C5: variants seen among roughly 807,000 people sequenced by gnomAD.
C5 encodes C3 and PZP-like alpha-2-macroglobulin domain-containing protein 4.
Under a neutral mutation model 218.8 loss-of-function variants are expected in C5, and 140 were observed. The observed-to-expected ratio is 0.64, with a 90% CI of 0.56 to 0.74. C5 has a LOEUF of 0.74. C5 is among the 30% of genes least tolerant of loss of function. C5 has a pLI of 0.00. For missense variants in C5, 1,700 were observed against 1,969.6 expected (o/e 0.86, Z 2.59); for synonymous variants, 614 against 682.3 (o/e 0.90, Z 1.56).
Position 120,969,030 on chromosome 9 carries a change from T to G in C5, c.4220+31A>C, listed in dbSNP as rs763687160. ...CGTTAACAAAAATGAGAACTTGGAG[T>G]CTATGCTCCCCTTTGTGGAAATAGG... On this transcript the variant is annotated intron_variant, in intron 33 of 40. Transcript: ENST00000223642. 12 of 1,582,240 alleles carry G rather than the reference T, an allele frequency of 7.6e-6. No individual in the cohort carries two copies. The East Asian group carries it at 2.7e-4, about 35-fold the overall frequency.
chr9:120,976,120 C>A (rs2046951523), intron 29 of C5, among the ~76,000 whole-genome samples: 1 of 152,158 alleles, frequency 6.6e-6, no homozygotes, highest in South Asian at 2.1e-4. Flanking sequence ...TATAAATATA[C>A]ACACTCCATC....
At position 120,997,777 on chromosome 9, in the gene C5, G is replaced by A. The variant is rs2131724077; in HGVS notation, c.2563-3C>T. 6.2e-7 allele frequency: 1 copy of A among 1,608,842 alleles called. No homozygotes were observed. The highest frequency in any genetic ancestry group is 8.5e-7 in the Non-Finnish European group (1 of 1,175,968). ...ACAGCAGACATTTTAACACAGAACT[G>A]AAATACAAGTGAAGAATTATATCAA... On this transcript the variant is annotated splice_polypyrimidine_tract_variant and splice_region_variant and intron_variant, in intron 20 of 40. Transcript: ENST00000223642.
chr9:121,067,191 C>T, the C5 span, among the ~76,000 whole-genome samples: 1 of 151,398 alleles, frequency 6.6e-6, no homozygotes, highest in Non-Finnish European at 1.5e-5. Context: ...TCGCTTGGTC[C>T]CAGAAGGTCA....
In C5 at chr9:120,974,936, C is replaced by A. The variant is rs752557479; in HGVS notation, c.3865-5G>T. ...CTCAATGGCATTGATTGTGTCCTGT[C>A]AGCAATCAGCAAGGCACAAAAATAT... On this transcript the variant is annotated splice_region_variant and splice_polypyrimidine_tract_variant and intron_variant, in intron 29 of 40. Coordinates refer to ENST00000223642, the MANE Select transcript of C5 (RefSeq NM_001735.3). 1.2e-6 allele frequency: 2 copies of A among 1,614,002 alleles called. No individual in the cohort carries two copies. Among genetic ancestry groups the A allele is most frequent in the African/African-American group, 2.7e-5 (2 of 74,922 alleles).
intron 28 of C5, among the ~76,000 whole-genome samples, chr9:120,978,893 A>G (rs1455170269): frequency 2.0e-5 from 3 of 152,120 alleles, no homozygotes; most frequent in African/African-American, 7.2e-5. Context: ...TGGTCCCCAC[A>G]GCACATTGCT....
intron 5 of C5, among the ~76,000 whole-genome samples, chr9:121,032,639 G>A (rs2047486170): frequency 6.6e-6 from 1 of 152,164 alleles, no homozygotes; most frequent in Non-Finnish European, 1.5e-5. Flanking sequence ...TGAATTTATG[G>A]TTGGAAACAA....
Position 120,982,833 on chromosome 9 carries a change from T to C in C5, c.3231-19A>G, listed in dbSNP as rs778222100. ...TGTTAACCTTTAAGACAAAATCAAATAAATAAATATTTAGAACGCTGAATC... is the reference window on the plus strand; with the variant it reads ...TGTTAACCTTTAAGACAAAATCAAACAAATAAATATTTAGAACGCTGAATC... On this transcript the variant is annotated intron_variant, in intron 25 of 40. Coordinates refer to ENST00000223642, the MANE Select transcript of C5 (RefSeq NM_001735.3). 14 of 1,418,490 alleles carry C rather than the reference T, an allele frequency of 9.9e-6. No homozygotes were observed. Among genetic ancestry groups the C allele is most frequent in the Non-Finnish European group, 1.4e-5 (14 of 1,011,896 alleles). 87.9% of individuals were successfully genotyped at this position (1,418,490 alleles called of 1,614,324 possible). A position where few individuals can be genotyped will look rare whatever the true frequency, so the allele number is the denominator to read the frequency against.
At chr9:121,057,190 T>C in the C5 span, among the ~76,000 whole-genome samples, 1 of 152,156 alleles carries the variant, frequency 6.6e-6, no homozygotes, top group Non-Finnish European at 1.5e-5. Flanking sequence ...ATTATCAACA[T>C]TAGACCTATC....
intron 1 of C5, among the ~76,000 whole-genome samples, chr9:121,047,288 G>GT (rs2047635889): frequency 6.6e-6 from 1 of 152,124 alleles, no homozygotes; most frequent in Non-Finnish European, 1.5e-5. Flanking sequence ...GTGTACAGTT[G>GT]AGGTCAAGTT....
At chr9:120,985,652 C>A (rs1440118005) in intron 25 of C5, among the ~76,000 whole-genome samples, 1 of 152,028 alleles carries the variant, frequency 6.6e-6, no homozygotes, top group African/African-American at 2.4e-5. Context: ...ACCTATACTA[C>A]TAGATCTAAA....
the C5 span, among the ~76,000 whole-genome samples, chr9:121,059,288 A>T: frequency 6.6e-6 from 1 of 152,186 alleles, no homozygotes; most frequent in Non-Finnish European, 1.5e-5. The surrounding 1 kb of genome is among the most constrained non-coding windows in gnomAD (Gnocchi z 4.1). Context: ...AGTGTTAATA[A>T]TGGAATTTAG....
At chr9:121,021,423 T>G in intron 11 of C5, 86 bp downstream of exon 11, 1 of 1,051,710 alleles carries the variant, frequency 9.5e-7, no homozygotes, top group Admixed American at 1.7e-5. Flanking sequence ...GTGTAAAATC[T>G]GCCGCATCTG....
upstream of C5, among the ~76,000 whole-genome samples, chr9:121,051,675 T>G (rs2047672265): frequency 6.6e-6 from 1 of 152,184 alleles, no homozygotes; most frequent in Admixed American, 6.5e-5. Context: ...TATAAACACT[T>G]TAATGCTGAA....
chr9:121,061,365 A>C, the C5 span, among the ~76,000 whole-genome samples: 1 of 152,192 alleles, frequency 6.6e-6, no homozygotes, highest in African/African-American at 2.4e-5. Flanking sequence ...CTTGGCCAAC[A>C]TGGCAAAAAC....
intron 1 of C5, among the ~76,000 whole-genome samples, chr9:121,049,958 TA>T (rs11289590): frequency 0.75 from 114,014 of 152,052 alleles, 43,130 homozygotes; most frequent in East Asian, 0.96. Context: ...AATAATCACT[TA>T]ACGTAAATTT....
At chr9:120,960,502 AT>A (rs41313601) in intron 37 of C5, among the ~76,000 whole-genome samples, 165 bp from the exon 38 acceptor site, 508 of 152,368 alleles carry the variant, frequency 3.3e-3, no homozygotes, top group African/African-American at 0.011. Flanking sequence ...AAAGTGAAAT[AT>A]TACATAAAGA....
chr9:121,013,883 C>T lies in C5; in HGVS notation c.2247G>A (p.Leu749=), dbSNP rs907453060. The change falls in exon 17 of 41, where the codon TTG becomes TTA. Residue 749 remains leucine, a synonymous_variant. Transcript: ENST00000223642. ...AAATGTCATACTTACGTAGCCTTCC[C>T]AATTGCATGTCTTTATGAGAGATAT... ...RANISHKDMQ[L]GRLHMKTLLP... The T allele has an allele frequency of 2.5e-6, 4 of 1,613,788 alleles. No individual in the cohort carries two copies. The highest frequency in any genetic ancestry group is 1.3e-5 in the African/African-American group (1 of 74,876).
rs770823300 is a variant in C5 at position 120,960,367 on chromosome 9, G to A, written c.4589-30C>T. ...ATTTTGTGAAAATTGGTAAAAATAA[G>A]GTTAATGGAAAGAAGTAGACACTCT... On this transcript the variant is annotated intron_variant, in intron 37 of 40. Coordinates refer to ENST00000223642, the MANE Select transcript of C5 (RefSeq NM_001735.3). The A allele has an allele frequency of 2.7e-6, 4 of 1,479,836 alleles. No individual in the cohort carries two copies. In the East Asian group the frequency reaches 9.0e-5, roughly 33 times the overall value. The allele number at this position is 1,479,836 out of a possible 1,614,324, so 91.7% of individuals were successfully genotyped here.
chr9:120,954,615 C>T (rs1391390785), intron 39 of C5, among the ~76,000 whole-genome samples: 1 of 152,196 alleles, frequency 6.6e-6, no homozygotes, highest in Non-Finnish European at 1.5e-5. Context: ...CACATCTGTC[C>T]TTCTAGCTAG....
Sources: allele counts gnomAD v4.1 joint callset (sites outside exome capture counted in the v4.1 genomes callset), GRCh38; gene constraint gnomAD v4.1.1; non-coding constraint Gnocchi (gnomAD v3.1); transcripts MANE v1.5; gene names NCBI Gene and HGNC (gene_info 2026-07-23, HGNC 2026-07-21).